Variants in WDPCP observed in about 807,000 individuals in gnomAD.
WDPCP encodes the protein WD repeat-containing and planar cell polarity effector protein fritz homolog.
A neutral mutation model predicts 93.1 loss-of-function variants in WDPCP; 71 were observed. The ratio of observed to expected loss-of-function variants is 0.76; its 90% CI spans 0.63 to 0.93. WDPCP has a LOEUF of 0.93. Among genes scored for constraint, WDPCP ranks in the 40% least tolerant of loss-of-function variants. The pLI, the probability that WDPCP is intolerant of heterozygous loss-of-function variation, is 0.00. For synonymous variants in WDPCP, 315 were observed against 315.0 expected (o/e 1.00, Z 0.00); for missense variants, 844 against 887.4 (o/e 0.95, Z 0.62).
chr2:63,667,443 A>G (rs985115117), intron 2 of WDPCP, among the ~76,000 whole-genome samples: 1 of 152,206 alleles, frequency 6.6e-6, no homozygotes, highest in Non-Finnish European at 1.5e-5. Context: ...TTTTGCTAGC[A>G]TTTTAACAGT....
At chr2:63,661,243 A>T (rs1710223195) in intron 2 of WDPCP, among the ~76,000 whole-genome samples, 1 of 152,212 alleles carries the variant, frequency 6.6e-6, no homozygotes, top group Non-Finnish European at 1.5e-5. Flanking sequence ...TTAAAGACTC[A>T]ACTAGGGAGG....
chr2:63,808,596 G>C (rs545692188), intron 2 of WDPCP, among the ~76,000 whole-genome samples: 1 of 152,194 alleles, frequency 6.6e-6, no homozygotes, highest in Non-Finnish European at 1.5e-5. Context: ...CACCAGCCTC[G>C]GCCTCCCGAG....
chr2:63,520,896 CAAAAA>C (rs3051721), intron 1 of WDPCP, among the ~76,000 whole-genome samples: 4 of 99,794 alleles, frequency 4.0e-5, no homozygotes, highest in Admixed American at 1.0e-4. Flanking sequence ...GACCCTATCT[CAAAAA>C]AAAAAAAAAA....
At chr2:63,428,110 G>A (rs1696454625) in intron 9 of WDPCP, among the ~76,000 whole-genome samples, 3 of 151,626 alleles carry the variant, frequency 2.0e-5, no homozygotes, top group Non-Finnish European at 4.4e-5. Flanking sequence ...AAAAAGCCTT[G>A]GACCAGATGG....
intron 12 of WDPCP, among the ~76,000 whole-genome samples, chr2:63,313,872 A>ATGTGTGCGTG (rs377622195): frequency 9.8e-6 from 1 of 101,604 alleles, no homozygotes; most frequent in Non-Finnish European, 2.0e-5. Context: ...ATATATATAT[A>ATGTGTGCGTG]TATATATATA....
In WDPCP at chr2:63,599,222, C is replaced by T. The variant is rs1444602662; in HGVS notation, n.488+51437G>A. ...ACCAACTGCCTGACTGCTTCCAAGT[C>T]AGCTCCATCCATCCCCAAGGAGAAC... On this transcript the variant is annotated intron_variant and non_coding_transcript_variant, in intron 3 of 4. Transcript: ENST00000467687. 4.3e-6 allele frequency: 7 copies of T among 1,613,690 alleles called. No homozygotes were observed. In the South Asian group the frequency reaches 7.7e-5, roughly 18 times the overall value.
chr2:63,232,746 G>A (rs959436494), intron 14 of WDPCP: 1 of 153,156 alleles, frequency 6.5e-6, no homozygotes, highest in Non-Finnish European at 1.5e-5. Context: ...ATATCCTTTA[G>A]AACATCCAAT....
chr2:63,692,930 C>G (rs972165025), intron 2 of WDPCP, among the ~76,000 whole-genome samples: 1 of 152,126 alleles, frequency 6.6e-6, no homozygotes, highest in Non-Finnish European at 1.5e-5. Context: ...TGAGCACTGG[C>G]TATGTGCTAC....
chr2:63,702,535 A>C (rs1262780499), intron 2 of WDPCP, among the ~76,000 whole-genome samples: 1 of 73,246 alleles, frequency 1.4e-5, no homozygotes, highest in East Asian at 2.1e-4. Context: ...ATAGCTACCC[A>C]TTCTTTTTTT....
At chr2:63,704,527 G>A (rs1456480783) in intron 2 of WDPCP, among the ~76,000 whole-genome samples, 4 of 152,130 alleles carry the variant, frequency 2.6e-5, no homozygotes, top group Non-Finnish European at 5.9e-5. Context: ...AATTTTGTCA[G>A]AGGCCTTTTC....
chr2:63,127,281 C>T (rs1315977706), intron 17 of WDPCP, among the ~76,000 whole-genome samples: 1 of 151,862 alleles, frequency 6.6e-6, no homozygotes, highest in African/African-American at 2.4e-5. Flanking sequence ...GCCGCCATAC[C>T]CAGCTAATTT....
chr2:63,276,507 C>T (rs1001979239), intron 13 of WDPCP, among the ~76,000 whole-genome samples: 2 of 152,132 alleles, frequency 1.3e-5, no homozygotes, highest in Admixed American at 6.5e-5. Flanking sequence ...AAAATCTTCA[C>T]TGAAATAGCT....
At chr2:63,612,780 G>T (rs571655084) in intron 3 of WDPCP, among the ~76,000 whole-genome samples, 6 of 152,160 alleles carry the variant, frequency 3.9e-5, no homozygotes, top group Non-Finnish European at 8.8e-5. Context: ...TACTACATGT[G>T]TTAGTAAATT....
intron 1 of WDPCP, among the ~76,000 whole-genome samples, chr2:63,574,370 C>T (rs1575678696): frequency 6.6e-6 from 1 of 152,114 alleles, no homozygotes; most frequent in South Asian, 2.1e-4. Context: ...CGTGAAATAT[C>T]GGGGGTGAAT....
At chr2:63,531,110 C>A (rs1023016627) in intron 1 of WDPCP, among the ~76,000 whole-genome samples, 1 of 152,180 alleles carries the variant, frequency 6.6e-6, no homozygotes, top group Non-Finnish European at 1.5e-5. Context: ...AGTCCAAGAT[C>A]GAACTGTGAG....
At chr2:63,550,199 ACACACACAC>A (rs1705488752) in intron 1 of WDPCP, among the ~76,000 whole-genome samples, 2 of 6,250 alleles carry the variant, frequency 3.2e-4, no homozygotes, top group East Asian at 0.056. Flanking sequence ...AGAAACACAC[ACACACACAC>A]ACACACACAC....
chr2:63,559,009 T>C (rs1212380107), intron 1 of WDPCP, among the ~76,000 whole-genome samples: 1 of 152,180 alleles, frequency 6.6e-6, no homozygotes, highest in Non-Finnish European at 1.5e-5. Flanking sequence ...ACATCCCTGA[T>C]GAACATCAAT....
At chr2:63,575,465 A>ATAC (rs1558832849) in intron 1 of WDPCP, among the ~76,000 whole-genome samples, 10 of 13,216 alleles carry the variant, frequency 7.6e-4, no homozygotes, top group East Asian at 3.9e-3. Flanking sequence ...TACAGTATAT[A>ATAC]TGCAGTATAT....
chr2:63,203,965 G>C lies in WDPCP; in HGVS notation c.1916-29133C>G, dbSNP rs574744285. ...CCATTCATCTGCTGATGGACACTTA[G>C]GTTGCTTCCAAGTCTTGGCTCCTGT... On this transcript the variant is annotated intron_variant, in intron 14 of 17. Transcript: ENST00000272321. Among the ~76,000 whole-genome samples the C allele has an allele frequency of 2.0e-5, 3 of 152,270 alleles. No individual in the cohort carries two copies. In the South Asian group the frequency reaches 6.2e-4, roughly 32 times the overall value.
Sources: gnomAD v4.1 joint callset for allele counts (sites outside exome capture counted in the v4.1 genomes callset) on GRCh38, gnomAD v4.1.1 for gene constraint, MANE v1.5 for transcripts, NCBI Gene and HGNC (gene_info 2026-07-23, HGNC 2026-07-21) for gene names.